Variants in TTC28 observed in about 807,000 individuals in gnomAD.
The protein encoded by TTC28 is tetratricopeptide repeat protein 28.
Under a neutral mutation model 198.0 loss-of-function variants are expected in TTC28, and 61 were observed. The observed-to-expected ratio is 0.31, with a 90% confidence interval of 0.25 to 0.38. The LOEUF is 0.38. Ranked by LOEUF, TTC28 falls within the 10% of genes least tolerant of loss-of-function variation. The pLI is 1.00. For missense variants in TTC28, 2,678 were observed against 3,164.0 expected (o/e 0.85, Z 3.69); for synonymous variants, 1,171 against 1,297.8 (o/e 0.90, Z 2.10).
chr22:28,678,923 CGTGGCATTTTGATCAG>C (rs1383269125), intron 1 of TTC28, among the ~76,000 whole-genome samples: 1 of 152,146 alleles, frequency 6.6e-6, no homozygotes, highest in African/African-American at 2.4e-5. Flanking sequence ...AGCCACAGTC[CGTGGCATTTTGATCAG>C]GTGCTCCCAA....
At chr22:28,496,344 T>C (rs1445577423) in intron 2 of TTC28, among the ~76,000 whole-genome samples, 1 of 152,002 alleles carries the variant, frequency 6.6e-6, no homozygotes, top group Non-Finnish European at 1.5e-5. Flanking sequence ...ACTTAACATG[T>C]CCAAAACCAA....
At chr22:28,456,022 G>A (rs2047853886) in intron 2 of TTC28, among the ~76,000 whole-genome samples, 1 of 151,802 alleles carries the variant, frequency 6.6e-6, no homozygotes, top group South Asian at 2.1e-4. Context: ...AGCTGGGTGT[G>A]GTGGTGGGCA....
At chr22:28,384,015 T>C (rs2046535382) in intron 2 of TTC28, among the ~76,000 whole-genome samples, 2 of 152,204 alleles carry the variant, frequency 1.3e-5, no homozygotes, top group Admixed American at 1.3e-4. Flanking sequence ...CAAACCGTTC[T>C]CTTTGTTACT....
chr22:28,121,156 G>C (rs2146939098), intron 6 of TTC28, among the ~76,000 whole-genome samples: 1 of 152,312 alleles, frequency 6.6e-6, no homozygotes, highest in Non-Finnish European at 1.5e-5. Context: ...ATTTAAACAT[G>C]TTTTCCTAGA....
At chr22:28,413,144 T>C (rs559266691) in intron 2 of TTC28, among the ~76,000 whole-genome samples, 1 of 152,272 alleles carries the variant, frequency 6.6e-6, no homozygotes, top group East Asian at 1.9e-4. Context: ...AGAAACTTTC[T>C]AGTCGTCTCA....
intron 1 of TTC28, among the ~76,000 whole-genome samples, chr22:28,646,802 T>G (rs2051475074): frequency 6.6e-6 from 1 of 152,114 alleles, no homozygotes; most frequent in Admixed American, 6.6e-5. Context: ...AGGTGGAGGC[T>G]GCAGTAAGCC....
chr22:28,178,157 GAAGAA>G (rs1643517409), intron 5 of TTC28, among the ~76,000 whole-genome samples: 1 of 152,018 alleles, frequency 6.6e-6, no homozygotes, highest in South Asian at 2.1e-4. Context: ...AAAACTGCTA[GAAGAA>G]AAGTATATCG....
At chr22:28,291,269 A>G (rs2044783461) in intron 5 of TTC28, among the ~76,000 whole-genome samples, 1 of 152,172 alleles carries the variant, frequency 6.6e-6, no homozygotes, top group African/African-American at 2.4e-5. Context: ...TAGGGCAATA[A>G]TAATTAAAAC....
intron 5 of TTC28, among the ~76,000 whole-genome samples, chr22:28,165,380 A>G (rs1415579934): frequency 6.6e-6 from 1 of 152,118 alleles, no homozygotes; most frequent in African/African-American, 2.4e-5. Context: ...TAATTGTCAG[A>G]TTCACCAAAG....
intron 2 of TTC28, among the ~76,000 whole-genome samples, chr22:28,626,102 T>G (rs2051072917): frequency 6.6e-6 from 1 of 152,036 alleles, no homozygotes; most frequent in South Asian, 2.1e-4. Context: ...TTTGTAACCT[T>G]GGCGAAGACA....
chr22:28,293,872 A>G (rs1015631034), intron 5 of TTC28, among the ~76,000 whole-genome samples: 2 of 152,198 alleles, frequency 1.3e-5, no homozygotes, highest in African/African-American at 4.8e-5. Flanking sequence ...TGGGCTAAAC[A>G]GGAGGAACAA....
chr22:28,194,219 G>A (rs1461673970), intron 5 of TTC28, among the ~76,000 whole-genome samples: 1 of 152,118 alleles, frequency 6.6e-6, no homozygotes, highest in Admixed American at 6.6e-5. Flanking sequence ...AAATAAAGAT[G>A]TTCTTTGAAA....
At chr22:28,093,705 C>T (rs1459787572) in intron 12 of TTC28, among the ~76,000 whole-genome samples, 7 of 152,112 alleles carry the variant, frequency 4.6e-5, no homozygotes, top group Admixed American at 3.9e-4. Flanking sequence ...CTCAAATAGG[C>T]GTTCAGCTAC....
chr22:28,433,752 T>C (rs2047471622), intron 2 of TTC28, among the ~76,000 whole-genome samples: 1 of 152,162 alleles, frequency 6.6e-6, no homozygotes, highest in African/African-American at 2.4e-5. Context: ...CCTCTAATAC[T>C]AGTTCCTTCC....
At chr22:28,457,591 AT>A (rs1433895143) in intron 2 of TTC28, among the ~76,000 whole-genome samples, 3 of 152,234 alleles carry the variant, frequency 2.0e-5, no homozygotes, top group African/African-American at 4.8e-5. Flanking sequence ...CATGTTGTTT[AT>A]ATAGCAATTT....
chr22:28,500,364 T>C (rs185573903), intron 2 of TTC28, among the ~76,000 whole-genome samples: 7 of 152,312 alleles, frequency 4.6e-5, no homozygotes, highest in South Asian at 2.1e-4. Flanking sequence ...ATTAATCAGA[T>C]ACATTAATGT....
At chr22:28,601,442 T>G (rs866666877) in intron 2 of TTC28, among the ~76,000 whole-genome samples, 2 of 152,190 alleles carry the variant, frequency 1.3e-5, no homozygotes, top group Non-Finnish European at 2.9e-5. Context: ...ACTGAACATA[T>G]AGACTTCTTT....
rs770613674 is a variant in TTC28, at chr22:28,306,517, C to T, written c.508G>A (p.Ala170Thr). ...LQLLVGMVEA[A>T]MKSPMRDSLE... is the part of the protein sequence containing the mutation. Reference sequence around the variant, plus strand: ...TTACCTCTCATGGGAGATTTCATGGCGGCTTCCACCATCCCCACCAGAAGC... The same window carrying T: ...TTACCTCTCATGGGAGATTTCATGGTGGCTTCCACCATCCCCACCAGAAGC... The change falls in exon 3 of 23, where the codon GCC (alanine) becomes ACC (threonine). Residue 170 changes from alanine to threonine, a missense_variant. Ala to Thr is a moderately conservative substitution (Grantham distance 58). Transcript: ENST00000397906. The T allele has an allele frequency of 1.0e-5, 16 of 1,549,890 alleles. No homozygotes were observed. In the South Asian group the frequency reaches 1.1e-4, roughly 10 times the overall value.
At chr22:28,140,975 AGGAG>A (rs1431497139) in intron 6 of TTC28, among the ~76,000 whole-genome samples, 2 of 152,168 alleles carry the variant, frequency 1.3e-5, no homozygotes, top group African/African-American at 2.4e-5. Context: ...AAGGAAGAGG[AGGAG>A]GAAGAGTGAT....
Sources: gnomAD v4.1 joint callset for allele counts (sites outside exome capture counted in the v4.1 genomes callset) on GRCh38, gnomAD v4.1.1 for gene constraint, MANE v1.5 for transcripts, NCBI Gene and HGNC (gene_info 2026-07-23, HGNC 2026-07-21) for gene names.